The following PIWIL4 variants were observed in gnomAD, a reference collection of about 807,000 sequenced individuals.
PIWIL4 encodes the protein piwi-like protein 4.
PIWIL4 carries 50 observed loss-of-function variants against 100.9 expected under a neutral mutation model. That is an observed-to-expected ratio of 0.50 (90% CI 0.39 to 0.63). The LOEUF (loss-of-function observed/expected upper bound fraction) is 0.63, where lower values mean the gene tolerates loss of function less well. PIWIL4 is among the 20% of genes least tolerant of loss of function. The probability of loss-of-function intolerance (pLI) is 0.00; values close to 1 mark genes in which losing one functional copy is unlikely to be tolerated. For synonymous variants in PIWIL4, 342 were observed against 367.5 expected (o/e 0.93, Z 0.79); for missense variants, 887 against 1,043.3 (o/e 0.85, Z 2.06).
At chr11:94,575,977 T>C (rs184846634) in intron 3 of PIWIL4, among the ~76,000 whole-genome samples, 1 of 152,286 alleles carries the variant, frequency 6.6e-6, no homozygotes, top group East Asian at 1.9e-4. Flanking sequence ...TTAACTAAAA[T>C]AGCACGGAGA....
chr11:94,597,759 A>C, intron 10 of PIWIL4, 45 bp from the exon 11 acceptor site: 2 of 1,361,496 alleles, frequency 1.5e-6, no homozygotes, highest in Non-Finnish European at 2.1e-6. Flanking sequence ...TCAGTAAGTT[A>C]TAATTATATC....
At chr11:94,605,493 TGACATCTGCCC>T (rs1382432598) in intron 13 of PIWIL4, among the ~76,000 whole-genome samples, 1 of 152,210 alleles carries the variant, frequency 6.6e-6, no homozygotes, top group Non-Finnish European at 1.5e-5. Flanking sequence ...TGGATTATGG[TGACATCTGCCC>T]GATTTCTCCA....
In PIWIL4 at chr11:94,607,539, G is replaced by C; in HGVS notation, c.1739G>C (p.Arg580Pro). Residue 580 changes from arginine (R) to proline (P), a missense_variant, in exon 14 of 20, where the codon CGG (arginine) becomes CCG (proline). Transcript: ENST00000299001. ...CPVPSQCVLARTLNKQGMMMS... is the reference protein window; with the variant it reads ...CPVPSQCVLAPTLNKQGMMMS... ...GTCCCAAGCCAATGTGTGCTTGCTC[G>C]GACCTTGAATAAACAGGGCATGATG... 1 of 1,613,958 alleles carries C rather than the reference G, an allele frequency of 6.2e-7. No homozygotes were observed. The highest frequency in any genetic ancestry group is 8.5e-7 in the Non-Finnish European group (1 of 1,179,994).
chr11:94,583,515 A>G lies in PIWIL4; in HGVS notation c.581A>G (p.Glu194Gly). 6.2e-7 allele frequency: 1 copy of G among 1,613,968 alleles called. No homozygotes were observed. Among genetic ancestry groups the G allele is most frequent in the Non-Finnish European group, 8.5e-7 (1 of 1,179,852 alleles). ...TIKMTITLKRELPSSSPVCIQ... is the reference protein window; with the variant it reads ...TIKMTITLKRGLPSSSPVCIQ... ...AAGATGACTATCACCCTGAAGAGGG[A>G]GCTGCCATCAAGTTCTCCCGTGTGC... The change falls in exon 5 of 20, where the codon GAG (glutamate) becomes GGG (glycine). Residue 194 changes from glutamate to glycine, a missense_variant. Transcript: ENST00000299001.
chr11:94,583,467 A>G lies in PIWIL4; in HGVS notation c.533A>G (p.Glu178Gly), dbSNP rs1948354554. ...LEEKVTELSS[E>G]TQRGETIKMT... ...TCCCAGGTCACAGAGTTGTCAAGTG[A>G]AACTCAAAGAGGTGAGACTATAAAG... Residue 178 changes from glutamate to glycine, a missense_variant, in exon 5 of 20, where the codon GAA becomes GGA. Transcript: ENST00000299001. 6.2e-7 allele frequency: 1 copy of G among 1,613,852 alleles called. No homozygotes were observed. The highest frequency in any genetic ancestry group is 8.5e-7 in the Non-Finnish European group (1 of 1,179,744).
intron 15 of PIWIL4, among the ~76,000 whole-genome samples, chr11:94,609,873 TTGTG>T (rs960726555): frequency 6.6e-6 from 1 of 151,634 alleles, no homozygotes; most frequent in African/African-American, 2.4e-5. Flanking sequence ...TAGTTACCAT[TTGTG>T]TGTGTGTGTG....
chr11:94,590,575 C>A (rs1948470192), intron 8 of PIWIL4, among the ~76,000 whole-genome samples: 1 of 152,140 alleles, frequency 6.6e-6, no homozygotes. Flanking sequence ...TGCATGAATA[C>A]CCTGCAGGCA....
chr11:94,593,390 G>T, intron 8 of PIWIL4, 128 bp from the exon 9 acceptor site: 1 of 845,340 alleles, frequency 1.2e-6, no homozygotes, highest in East Asian at 2.9e-5. Context: ...GTAGCAATAA[G>T]TAGGTAACTA....
chr11:94,607,015 G>A (rs1948729666), intron 13 of PIWIL4, among the ~76,000 whole-genome samples: 1 of 152,034 alleles, frequency 6.6e-6, no homozygotes, highest in Non-Finnish European at 1.5e-5. Context: ...CTTATCTTTG[G>A]GTGGGGTCAG....
chr11:94,600,912 C>CGTG lies in PIWIL4; in HGVS notation c.1381-882_1381-881insTGG, dbSNP rs1254747844. On this transcript the variant is annotated intron_variant, in intron 11 of 19. Transcript: ENST00000299001. ...TATGGCTCTGTTCCGCCCGGCTCAC[C>CGTG]GGTGGTCAGAGTTTAAGATTATCTC... 2.0e-5 allele frequency among the ~76,000 whole-genome samples: 3 copies of CGTG among 151,966 alleles called. No individual in the cohort carries two copies. The East Asian group carries it at 5.8e-4, about 29-fold the overall frequency.
chr11:94,588,500 T>C (rs142547312), intron 7 of PIWIL4, among the ~76,000 whole-genome samples: 47 of 152,284 alleles, frequency 3.1e-4, no homozygotes, highest in Middle Eastern at 3.4e-3. Context: ...TTCAAAGTCA[T>C]CTTGGAAAGA....
chr11:94,600,652 C>T (rs563538118), intron 11 of PIWIL4, among the ~76,000 whole-genome samples: 15 of 152,154 alleles, frequency 9.9e-5, no homozygotes, highest in African/African-American at 2.9e-4. Flanking sequence ...TGAGAGCAAC[C>T]GGTCTGACCA....
At chr11:94,588,175 T>C (rs1199253039) in intron 7 of PIWIL4, among the ~76,000 whole-genome samples, 1 of 151,964 alleles carries the variant, frequency 6.6e-6, no homozygotes, top group Non-Finnish European at 1.5e-5. Flanking sequence ...TGTGTTCTCA[T>C]TGTTCAGCTC....
intron 8 of PIWIL4, among the ~76,000 whole-genome samples, chr11:94,592,840 G>C (rs1421652439): frequency 6.6e-6 from 1 of 152,132 alleles, no homozygotes; most frequent in African/African-American, 2.4e-5. Context: ...ACTAACAGTT[G>C]CCGGGGATTC....
intron 7 of PIWIL4, among the ~76,000 whole-genome samples, chr11:94,588,728 A>C (rs1222389455): frequency 6.6e-6 from 1 of 152,132 alleles, no homozygotes; most frequent in Non-Finnish European, 1.5e-5. Flanking sequence ...TGCTTTTTTA[A>C]ATCAGAAAAA....
intron 15 of PIWIL4, among the ~76,000 whole-genome samples, chr11:94,611,157 C>T (rs543067975): frequency 1.3e-5 from 2 of 152,176 alleles, no homozygotes; most frequent in Admixed American, 1.3e-4. Context: ...CAGTATCAGG[C>T]TGTTTTGATT....
chr11:94,609,121 C>T (rs1948760328), intron 15 of PIWIL4, among the ~76,000 whole-genome samples: 1 of 152,162 alleles, frequency 6.6e-6, no homozygotes, highest in South Asian at 2.1e-4. Flanking sequence ...TGCTGTGCCT[C>T]ACTATGGTAA....
intron 2 of PIWIL4, among the ~76,000 whole-genome samples, chr11:94,569,668 G>GC (rs1948121957): frequency 6.6e-6 from 1 of 152,068 alleles, no homozygotes; most frequent in Admixed American, 6.6e-5. Context: ...ATGAGCCACC[G>GC]CCCCCGGGCG....
chr11:94,579,370 G>A (rs929464484), intron 4 of PIWIL4, among the ~76,000 whole-genome samples: 1 of 152,112 alleles, frequency 6.6e-6, no homozygotes, highest in Non-Finnish European at 1.5e-5. Flanking sequence ...TGGTATGGAT[G>A]TTTTTAACAT....
Sources: allele counts gnomAD v4.1 joint callset (sites outside exome capture counted in the v4.1 genomes callset), GRCh38; gene constraint gnomAD v4.1.1; transcripts MANE v1.5; gene names NCBI Gene and HGNC (gene_info 2026-07-23, HGNC 2026-07-21).